Variants in SMOC2 observed in about 807,000 individuals in gnomAD.
SMOC2 encodes the protein SPARC related modular calcium binding 2.
SMOC2 carries 39 observed loss-of-function variants against 61.4 expected under a neutral mutation model. That is an observed-to-expected ratio of 0.64 (90% confidence interval 0.49 to 0.83). The LOEUF (loss-of-function observed/expected upper bound fraction) is 0.83. Among genes scored for constraint, SMOC2 ranks in the 40% least tolerant of loss-of-function variants. The pLI is 0.00. For synonymous variants in SMOC2, 247 were observed against 239.9 expected (o/e 1.03, Z -0.27); for missense variants, 556 against 592.9 (o/e 0.94, Z 0.65).
At position 168,602,374 on chromosome 6, in the gene SMOC2, C is replaced by T. The variant is rs141696806; in HGVS notation, c.824+3370C>T. Reference sequence around the variant, plus strand: ...GTCTTCTTCTTCCTGGTGTGCTTTGCGGCTTGTTCATGTTATAGCTGTTAG... The same window carrying T: ...GTCTTCTTCTTCCTGGTGTGCTTTGTGGCTTGTTCATGTTATAGCTGTTAG... On this transcript the variant is annotated intron_variant, in intron 8 of 12. Transcript: ENST00000356284. Among the ~76,000 whole-genome samples, 738 of 152,242 alleles carry T rather than the reference C, an allele frequency of 4.8e-3. 4 individuals are homozygous for T. The highest frequency in any genetic ancestry group is 0.016 in the African/African-American group (681 of 41,550).
At chr6:168,592,722 G>A (rs868204495) in intron 7 of SMOC2, among the ~76,000 whole-genome samples, 3 of 41,296 alleles carry the variant, frequency 7.3e-5, no homozygotes, top group Admixed American at 2.0e-4. Context: ...CCTCCTTCCT[G>A]AGGCCTCACG....
intron 1 of SMOC2, among the ~76,000 whole-genome samples, chr6:168,480,158 T>A (rs1477170773): frequency 6.6e-6 from 1 of 152,166 alleles, no homozygotes; most frequent in Admixed American, 6.5e-5. Context: ...AGAATCTGAC[T>A]TCAAGAGTTA....
At chr6:168,635,448 C>G (rs1009057602) in intron 9 of SMOC2, among the ~76,000 whole-genome samples, 1 of 152,160 alleles carries the variant, frequency 6.6e-6, no homozygotes, top group African/African-American at 2.4e-5. Flanking sequence ...AGCCTCCCTG[C>G]CAGCATTTTT....
intron 1 of SMOC2, among the ~76,000 whole-genome samples, chr6:168,493,498 GGC>G (rs1174278735): frequency 6.6e-6 from 1 of 152,194 alleles, no homozygotes; most frequent in South Asian, 2.1e-4. Flanking sequence ...ATGTATGGAT[GGC>G]AAAGTAAGTG....
rs957422276 is a variant in SMOC2 at position 168,462,487 on chromosome 6, G to A, written c.84+21033G>A. On this transcript the variant is annotated intron_variant, in intron 1 of 12. Coordinates refer to ENST00000356284, the MANE Select transcript of SMOC2 (RefSeq NM_001166412.2). Reference sequence around the variant, plus strand: ...AAGTTTTCCCAGCTCTCGAAGGTCCGGCTGCTGCTCCAGGAGGGTGGTCCC... The same window carrying A: ...AAGTTTTCCCAGCTCTCGAAGGTCCAGCTGCTGCTCCAGGAGGGTGGTCCC... Among the ~76,000 whole-genome samples, 9 of 151,992 alleles carry A rather than the reference G, an allele frequency of 5.9e-5. No individual in the cohort carries two copies. The East Asian group carries it at 1.7e-3, about 30-fold the overall frequency.
At chr6:168,599,538 A>ACG (rs1481987227) in intron 8 of SMOC2, among the ~76,000 whole-genome samples, 1 of 67,644 alleles carries the variant, frequency 1.5e-5, no homozygotes, top group African/African-American at 6.6e-5. Flanking sequence ...CCACACACCC[A>ACG]CTCACACACA....
At chr6:168,514,228 A>T (rs1783076837) in intron 2 of SMOC2, among the ~76,000 whole-genome samples, 1 of 152,206 alleles carries the variant, frequency 6.6e-6, no homozygotes. Context: ...TTTAAGAAGC[A>T]TCTTTCAGAC....
intron 4 of SMOC2, among the ~76,000 whole-genome samples, chr6:168,537,693 C>A (rs945859618): frequency 4.6e-5 from 7 of 152,088 alleles, no homozygotes; most frequent in African/African-American, 1.7e-4. Flanking sequence ...GCCCTGGGGC[C>A]GAGAGACATA....
At chr6:168,556,046 G>T (rs13198934) in intron 7 of SMOC2, among the ~76,000 whole-genome samples, 183 of 152,308 alleles carry the variant, frequency 1.2e-3, no homozygotes, top group Non-Finnish European at 1.7e-3. Flanking sequence ...GGGGCCTCGG[G>T]CCATGCGGGT....
intron 9 of SMOC2, among the ~76,000 whole-genome samples, chr6:168,639,515 C>T (rs1052840312): frequency 3.4e-4 from 51 of 152,138 alleles, no homozygotes; most frequent in African/African-American, 1.2e-3. Flanking sequence ...GGGAACATTC[C>T]AGATCTTTTG....
intron 12 of SMOC2, chr6:168,664,651 G>A (rs140953245): frequency 0.01 from 4,708 of 461,300 alleles, 44 homozygotes; most frequent in South Asian, 0.026. Context: ...CAAGTGTTGG[G>A]CTCCAAAAGG....
At chr6:168,628,356 C>T (rs1786473000) in intron 9 of SMOC2, among the ~76,000 whole-genome samples, 1 of 152,174 alleles carries the variant, frequency 6.6e-6, no homozygotes, top group African/African-American at 2.4e-5. Context: ...AAATTAATAT[C>T]ACCTGAAAAA....
intron 8 of SMOC2, among the ~76,000 whole-genome samples, chr6:168,599,930 A>C (rs1174650599): frequency 6.9e-6 from 1 of 144,148 alleles, no homozygotes; most frequent in East Asian, 2.2e-4. Flanking sequence ...CTCCCCTCTC[A>C]TACACACCCA....
chr6:168,469,833 A>G (rs938613507), intron 1 of SMOC2, among the ~76,000 whole-genome samples: 2 of 152,174 alleles, frequency 1.3e-5, no homozygotes, highest in African/African-American at 4.8e-5. Context: ...CTGCTTCAAG[A>G]TGTCCAGTGG....
In SMOC2 at chr6:168,527,131, C is replaced by T. The variant is rs185416963; in HGVS notation, c.364-497C>T. 3.9e-5 allele frequency among the ~76,000 whole-genome samples: 6 copies of T among 152,254 alleles called. 1 individual carries two copies. The East Asian group carries it at 9.7e-4, about 25-fold the overall frequency. The stretch of plus-strand genomic sequence containing the variant: ...TGTGAGTTCTGTGTGTTTACATCAT[C>T]GTTTGGCCTTTGAGAGACAACGAGG... On this transcript the variant is annotated intron_variant, in intron 3 of 12. Coordinates refer to ENST00000356284, the MANE Select transcript of SMOC2 (RefSeq NM_001166412.2).
intron 9 of SMOC2, among the ~76,000 whole-genome samples, chr6:168,643,950 CAT>C (rs1388289527): frequency 2.0e-5 from 3 of 152,334 alleles, no homozygotes; most frequent in Non-Finnish European, 4.4e-5. Flanking sequence ...CCCCGTCACA[CAT>C]GTGACACTCC....
At chr6:168,496,570 C>T (rs1258416711) in intron 1 of SMOC2, among the ~76,000 whole-genome samples, 1 of 152,206 alleles carries the variant, frequency 6.6e-6, no homozygotes, top group Non-Finnish European at 1.5e-5. Context: ...GCCTGTCGCC[C>T]CAGCCCTCGA....
intron 8 of SMOC2, among the ~76,000 whole-genome samples, chr6:168,599,646 ACACT>A (rs1785476500): frequency 3.7e-5 from 4 of 108,878 alleles, no homozygotes; most frequent in South Asian, 6.7e-4. Context: ...ACACCCACAC[ACACT>A]CATACCCACA....
chr6:168,556,900 C>A (rs1350219256), intron 7 of SMOC2, among the ~76,000 whole-genome samples: 1 of 151,610 alleles, frequency 6.6e-6, no homozygotes, highest in East Asian at 1.9e-4. Context: ...GAGAAAAATG[C>A]CTTCCTCCCT....
Sources: gnomAD v4.1 joint callset for allele counts (sites outside exome capture counted in the v4.1 genomes callset) on GRCh38, gnomAD v4.1.1 for gene constraint, MANE v1.5 for transcripts, NCBI Gene and HGNC (gene_info 2026-07-23, HGNC 2026-07-21) for gene names.